PCLO: variants seen among roughly 807,000 people sequenced by gnomAD.
The protein encoded by PCLO is protein piccolo.
PCLO carries 82 observed loss-of-function variants against 427.5 expected under a neutral mutation model. That is an observed-to-expected ratio of 0.19 (90% CI 0.16 to 0.23). The LOEUF (loss-of-function observed/expected upper bound fraction) is 0.23, where lower values mean the gene tolerates loss of function less well. PCLO is among the 10% of genes least tolerant of loss of function. PCLO has a pLI of 1.00. For missense variants in PCLO, 6,239 were observed against 6,115.9 expected, an observed-to-expected ratio of 1.02 and a Z score of -0.67; for synonymous variants, 2,357 against 2,155.4, an observed-to-expected ratio of 1.09 and a Z score of -2.59.
At chr7:83,049,696 G>T (rs763250134) in intron 3 of PCLO, among the ~76,000 whole-genome samples, 1 of 152,030 alleles carries the variant, frequency 6.6e-6, no homozygotes, top group Non-Finnish European at 1.5e-5. Context: ...CTCCTTAGGG[G>T]TTAGTTTTGG....
chr7:82,841,476 T>C lies in PCLO; in HGVS notation c.14080A>G (p.Ile4694Val). The change falls in exon 14 of 25, where the codon ATT becomes GTT. Residue 4694 changes from isoleucine to valine, a missense_variant. By Grantham distance (29) the Ile-to-Val change is conservative. Coordinates refer to ENST00000333891, the MANE Select transcript of PCLO (RefSeq NM_033026.6). ...TDGTKVVSHP[I>V]TGEIQLQINY... ...CTTCATACCTGAATTTCTCCTGTAA[T>C]TGGATGAGAGACAACCTTTGTTCCA... 5 of 1,599,744 alleles carry C rather than the reference T, an allele frequency of 3.1e-6. No individual in the cohort carries two copies. Among genetic ancestry groups the C allele is most frequent in the Non-Finnish European group, 4.3e-6 (5 of 1,167,734 alleles).
Position 82,956,625 on chromosome 7 carries a change from G to A in PCLO, c.4328C>T (p.Pro1443Leu). Residue 1443 changes from proline (P) to leucine (L), a missense_variant, in exon 5 of 25, where the codon CCT (proline) becomes CTT (leucine). Physicochemically the swap from Pro to Leu is moderately conservative, Grantham distance 98 (BLOSUM62 -3). This residue lies in a region of PCLO where 4,677 missense variants were observed against 4,468.4 expected (regional missense o/e 1.05). Transcript: ENST00000333891. The stretch of plus-strand genomic sequence containing the variant: ...TTTCTCTTGGTCTTTAGGCTGTTCA[G>A]GAGAAACTTCATGGGGTTGTGTTTT... ...EKKTQPHEVSPEQPKDQEKTQ... is the reference protein window; with the variant it reads ...EKKTQPHEVSLEQPKDQEKTQ... The A allele has an allele frequency of 1.9e-6, 3 of 1,613,796 alleles. No homozygotes were observed. Among genetic ancestry groups the A allele is most frequent in the Non-Finnish European group, 2.5e-6 (3 of 1,179,840 alleles).
intron 11 of PCLO, 91 bp from the exon 12 acceptor site, chr7:82,846,725 G>A: frequency 1.3e-6 from 1 of 753,332 alleles, no homozygotes; most frequent in South Asian, 1.7e-5. Flanking sequence ...TTTTTCATAG[G>A]TAAATGAGAA....
intron 3 of PCLO, among the ~76,000 whole-genome samples, chr7:83,019,120 G>A (rs966966592): frequency 6.6e-6 from 1 of 151,884 alleles, no homozygotes; most frequent in South Asian, 2.1e-4. Context: ...ATGAGTGAGT[G>A]AATGAGTGAA....
chr7:82,788,485 A>T (rs144096456), intron 22 of PCLO, among the ~76,000 whole-genome samples: 38 of 152,140 alleles, frequency 2.5e-4, no homozygotes, highest in African/African-American at 6.5e-4. Context: ...GCATATAGCA[A>T]CATTTAAGTC....
At chr7:82,827,372 A>T (rs574491542) in intron 17 of PCLO, among the ~76,000 whole-genome samples, 1 of 152,064 alleles carries the variant, frequency 6.6e-6, no homozygotes, top group Non-Finnish European at 1.5e-5. Context: ...TATACTAGTC[A>T]TCATTTTGCC....
At chr7:82,824,107 T>C (rs1791867920) in intron 19 of PCLO, 129 bp downstream of exon 19, 1 of 611,706 alleles carries the variant, frequency 1.6e-6, no homozygotes, top group Admixed American at 3.1e-5. Flanking sequence ...TTGCATGACA[T>C]TATATTAAGT....
intron 3 of PCLO, among the ~76,000 whole-genome samples, chr7:83,020,628 T>A (rs532840205): frequency 6.6e-6 from 1 of 152,282 alleles, no homozygotes; most frequent in Admixed American, 6.5e-5. Flanking sequence ...GATCTTGGAC[T>A]TTCAATACTC....
At chr7:82,814,851 C>T (rs1791643866) in intron 20 of PCLO, among the ~76,000 whole-genome samples, 1 of 151,908 alleles carries the variant, frequency 6.6e-6, no homozygotes, top group African/African-American at 2.4e-5. Context: ...ATCCCCCGCC[C>T]CTACCAGGAA....
At chr7:83,151,003 G>A (rs921318745) in intron 2 of PCLO, among the ~76,000 whole-genome samples, 3 of 152,194 alleles carry the variant, frequency 2.0e-5, no homozygotes, top group Non-Finnish European at 2.9e-5. Context: ...TGACAGAAGT[G>A]GTGGTTGTCC....
At chr7:82,778,438 C>T (rs1223673213) in intron 22 of PCLO, among the ~76,000 whole-genome samples, 1 of 152,110 alleles carries the variant, frequency 6.6e-6, no homozygotes, top group Non-Finnish European at 1.5e-5. Flanking sequence ...GAATATAAAT[C>T]ATTCTATTAT....
intron 22 of PCLO, among the ~76,000 whole-genome samples, chr7:82,792,731 C>T (rs1791131134): frequency 6.6e-6 from 1 of 152,148 alleles, no homozygotes; most frequent in African/African-American, 2.4e-5. Flanking sequence ...CTAAGAGAAA[C>T]CCACTGCCAA....
At chr7:83,118,311 G>A (rs1025578132) in intron 3 of PCLO, among the ~76,000 whole-genome samples, 3 of 152,076 alleles carry the variant, frequency 2.0e-5, no homozygotes, top group East Asian at 3.9e-4. Flanking sequence ...AGAACCCTCC[G>A]GCGATCATCT....
intron 16 of PCLO, among the ~76,000 whole-genome samples, chr7:82,835,176 C>G (rs1792200834): frequency 6.6e-6 from 1 of 152,022 alleles, no homozygotes; most frequent in African/African-American, 2.4e-5. Flanking sequence ...GATCTCCTGA[C>G]CTTGTGATCT....
chr7:83,064,069 C>G (rs774943441), intron 3 of PCLO, among the ~76,000 whole-genome samples: 3 of 152,014 alleles, frequency 2.0e-5, no homozygotes, highest in Non-Finnish European at 4.4e-5. Flanking sequence ...GTTGAATTCA[C>G]CTCTATATAA....
At chr7:82,912,175 A>C (rs554815943) in intron 7 of PCLO, among the ~76,000 whole-genome samples, 165 of 152,128 alleles carry the variant, frequency 1.1e-3, no homozygotes, top group African/African-American at 3.9e-3. Context: ...TACTACTCAA[A>C]ATTATCTTAG....
chr7:83,091,306 G>A (rs983262074), intron 3 of PCLO, among the ~76,000 whole-genome samples: 1 of 152,104 alleles, frequency 6.6e-6, no homozygotes, highest in African/African-American at 2.4e-5. Context: ...CACTCATTTC[G>A]AAGTATATCA....
At chr7:83,118,100 G>A (rs992520401) in intron 3 of PCLO, among the ~76,000 whole-genome samples, 3 of 152,136 alleles carry the variant, frequency 2.0e-5, no homozygotes, top group Admixed American at 1.3e-4. Context: ...GTGACAAGCA[G>A]CTATGCATTT....
chr7:82,956,032 G>T lies in PCLO; in HGVS notation c.4921C>A (p.Pro1641Thr). The T allele has an allele frequency of 3.1e-6, 5 of 1,613,094 alleles. No individual in the cohort carries two copies. The highest frequency in any genetic ancestry group is 4.2e-6 in the Non-Finnish European group (5 of 1,179,850). Reference protein sequence around the residue: ...DEDDEAFDESPELKYRETKSQ... With the variant: ...DEDDEAFDESTELKYRETKSQ... The stretch of plus-strand genomic sequence containing the variant: ...TTAGTTTCTCTGTATTTAAGTTCAG[G>T]ACTTTCATCAAATGCTTCATCGTCT... The change falls in exon 5 of 25, where the codon CCT becomes ACT. Residue 1641 changes from proline to threonine, a missense_variant. Pro to Thr is a conservative substitution (Grantham distance 38). Coordinates refer to ENST00000333891, the MANE Select transcript of PCLO (RefSeq NM_033026.6).
Sources: gnomAD v4.1 joint callset for allele counts (sites outside exome capture counted in the v4.1 genomes callset) on GRCh38, gnomAD v4.1.1 for gene constraint, gnomAD v4.1.1 regional missense constraint, MANE v1.5 for transcripts, NCBI Gene and HGNC (gene_info 2026-07-23, HGNC 2026-07-21) for gene names.